The following WIPF2 variants were observed in gnomAD, a reference collection of about 807,000 sequenced individuals.
The protein encoded by WIPF2 is WAS/WASL-interacting protein family member 2.
Under a neutral mutation model 38.8 loss-of-function variants are expected in WIPF2, and 23 were observed. That is an observed-to-expected ratio of 0.59 (90% CI 0.43 to 0.84). The LOEUF (loss-of-function observed/expected upper bound fraction) is 0.84, where lower values mean the gene tolerates loss of function less well. Ranked by LOEUF, WIPF2 falls within the 40% of genes least tolerant of loss-of-function variation. The pLI is 0.00. For synonymous variants in WIPF2, 210 were observed against 223.2 expected (o/e 0.94, Z 0.53); for missense variants, 574 against 580.5 (o/e 0.99, Z 0.11).
rs947852439 is a variant in WIPF2 at position 40,246,508 on chromosome 17, C to T, written c.-69-9883C>T. 4.6e-5 allele frequency among the ~76,000 whole-genome samples: 7 copies of T among 151,698 alleles called. No individual in the cohort carries two copies. In the East Asian group the frequency reaches 5.8e-4, roughly 13 times the overall value. ...CCACCTCCTGGGTTCAACGATTCTC[C>T]TGCCTCAAGCCTCCCAAGTAGCCAG... On this transcript the variant is annotated intron_variant, in intron 1 of 7. Transcript: ENST00000323571.
chr17:40,264,130 C>T (rs1359389671), intron 4 of WIPF2, among the ~76,000 whole-genome samples: 1 of 151,498 alleles, frequency 6.6e-6, no homozygotes, highest in Non-Finnish European at 1.5e-5. Context: ...GTTGGGATTT[C>T]GAGACCAGCC....
chr17:40,271,040 T>G (rs1209206352), intron 5 of WIPF2, among the ~76,000 whole-genome samples: 1 of 152,232 alleles, frequency 6.6e-6, no homozygotes, highest in Non-Finnish European at 1.5e-5. Flanking sequence ...TGGCGCGATG[T>G]TGGCTTATTG....
rs561092494 is a variant in WIPF2 at position 40,276,130 on chromosome 17, T to C, written c.1181-953T>C. Among the ~76,000 whole-genome samples the C allele has an allele frequency of 3.5e-4, 54 of 152,326 alleles. No individual in the cohort carries two copies. The South Asian group carries it at 6.6e-3, about 19-fold the overall frequency. On this transcript the variant is annotated intron_variant, in intron 6 of 7. Transcript: ENST00000323571. ...TGAAAGGGAATCATCTGGTCAAATCTCTCACTAGTCATAGACAGATATTCC... is the reference window on the plus strand; with the variant it reads ...TGAAAGGGAATCATCTGGTCAAATCCCTCACTAGTCATAGACAGATATTCC...
chr17:40,275,599 T>C (rs2145415129), intron 6 of WIPF2, among the ~76,000 whole-genome samples: 1 of 152,238 alleles, frequency 6.6e-6, no homozygotes, highest in South Asian at 2.1e-4. Flanking sequence ...CGTCTTGCTT[T>C]GTCATCCAAG....
intron 3 of WIPF2, among the ~76,000 whole-genome samples, chr17:40,261,802 T>C (rs747321606): frequency 4.0e-4 from 60 of 150,772 alleles, no homozygotes; most frequent in Non-Finnish European, 7.8e-4. Context: ...TTCTCCTGCC[T>C]CAGCCTCCCG....
At chr17:40,228,262 G>A (rs897358175) in intron 1 of WIPF2, among the ~76,000 whole-genome samples, 8 of 151,664 alleles carry the variant, frequency 5.3e-5, no homozygotes, top group Non-Finnish European at 8.8e-5. Context: ...TGATCCGCCC[G>A]CCTCGGCCTC....
chr17:40,225,168 T>C (rs2030425891), intron 1 of WIPF2, among the ~76,000 whole-genome samples: 1 of 152,134 alleles, frequency 6.6e-6, no homozygotes, highest in African/African-American at 2.4e-5. Flanking sequence ...ATTCATCTAG[T>C]GATTAAATGC....
intron 6 of WIPF2, among the ~76,000 whole-genome samples, chr17:40,275,429 G>A (rs573707224): frequency 6.6e-5 from 10 of 152,174 alleles, no homozygotes; most frequent in African/African-American, 2.2e-4. Flanking sequence ...TGTTGGGGGG[G>A]CTCTACCTAA....
At chr17:40,246,420 C>A (rs1244024810) in intron 1 of WIPF2, among the ~76,000 whole-genome samples, 22 of 100,548 alleles carry the variant, frequency 2.2e-4, no homozygotes, top group Admixed American at 4.6e-4. Context: ...TTTTTTGAGA[C>A]TGATTTTCAT....
At chr17:40,224,412 T>G (rs1313518515) in intron 1 of WIPF2, among the ~76,000 whole-genome samples, 4 of 147,328 alleles carry the variant, frequency 2.7e-5, no homozygotes, top group Admixed American at 6.7e-5. Context: ...TTGTATTTTT[T>G]TTTTTTTTTT....
chr17:40,273,520 A>G, intron 5 of WIPF2: 1 of 439,558 alleles, frequency 2.3e-6, no homozygotes, highest in Non-Finnish European at 4.0e-6. Context: ...CCTGAATTAG[A>G]ATTGTGGAGG....
chr17:40,254,512 G>A (rs1170076954), intron 1 of WIPF2, among the ~76,000 whole-genome samples: 1 of 152,070 alleles, frequency 6.6e-6, no homozygotes, highest in Non-Finnish European at 1.5e-5. Context: ...GGTAGTTATT[G>A]TTCTTGAGTT....
intron 6 of WIPF2, among the ~76,000 whole-genome samples, chr17:40,276,520 C>CAAAAAAAA (rs1160459322): frequency 1.4e-5 from 1 of 71,624 alleles, no homozygotes; most frequent in African/African-American, 6.2e-5. Context: ...GACTCCGTCT[C>CAAAAAAAA]AAAAAAAAAA....
At chr17:40,224,865 C>T (rs990494152) in intron 1 of WIPF2, among the ~76,000 whole-genome samples, 15 of 151,856 alleles carry the variant, frequency 9.9e-5, no homozygotes, top group East Asian at 3.9e-4. Flanking sequence ...AACATGCATC[C>T]CTTTGCCAAA....
Position 40,256,442 on chromosome 17 carries a change from A to C in WIPF2, c.-18A>C, listed in dbSNP as rs746052347. On this transcript the variant is annotated 5_prime_UTR_variant, in exon 2 of 8. Coordinates refer to ENST00000323571, the MANE Select transcript of WIPF2 (RefSeq NM_133264.5). ...TAAAGACGGAGAGAGAACAGTGCCA[A>C]CTGGGAGCAGGGCAAGAATGCCAAT... 1.5e-5 allele frequency: 24 copies of C among 1,607,018 alleles called. 1 individual carries two copies. The South Asian group carries it at 2.7e-4, about 18-fold the overall frequency.
intron 1 of WIPF2, among the ~76,000 whole-genome samples, chr17:40,238,200 A>T (rs1015128287): frequency 1.3e-5 from 2 of 152,022 alleles, no homozygotes; most frequent in African/African-American, 2.4e-5. Flanking sequence ...GTATTTTTGG[A>T]CATTGTCAGG....
chr17:40,241,552 TAGTC>T (rs1567713472), intron 1 of WIPF2, among the ~76,000 whole-genome samples: 1 of 152,188 alleles, frequency 6.6e-6, no homozygotes, highest in African/African-American at 2.4e-5. Context: ...TCATTTTTTT[TAGTC>T]AGCGTCTCTA....
At chr17:40,236,490 G>C (rs1049228181) in intron 1 of WIPF2, among the ~76,000 whole-genome samples, 1 of 149,294 alleles carries the variant, frequency 6.7e-6, no homozygotes, top group Non-Finnish European at 1.5e-5. Context: ...GGCGTGTGTA[G>C]AGATGGAGTT....
At chr17:40,267,883 C>G (rs937457756) in intron 5 of WIPF2, among the ~76,000 whole-genome samples, 1 of 152,174 alleles carries the variant, frequency 6.6e-6, no homozygotes. Flanking sequence ...ATGGCTCACG[C>G]CTTAATCCCA....
Sources: allele counts gnomAD v4.1 joint callset (sites outside exome capture counted in the v4.1 genomes callset), GRCh38; gene constraint gnomAD v4.1.1; transcripts MANE v1.5; gene names NCBI Gene and HGNC (gene_info 2026-07-23, HGNC 2026-07-21).